Variants in DRC10 observed in about 807,000 individuals in gnomAD.
The protein encoded by DRC10 is IQ domain-containing protein D.
the DRC10 span, chr12:113,207,750 G>A: frequency 6.2e-7 from 1 of 1,614,140 alleles, no homozygotes; most frequent in Non-Finnish European, 8.5e-7. Context: ...GTGAGAGGCT[G>A]GATTTCTGCA....
chr12:113,218,784 T>C, the DRC10 span, among the ~76,000 whole-genome samples: 1 of 152,288 alleles, frequency 6.6e-6, no homozygotes, highest in South Asian at 2.1e-4. Context: ...TCATCCAGGT[T>C]GTAGCAATTA....
chr12:113,220,882 G>A, the DRC10 span: 15 of 269,364 alleles, frequency 5.6e-5, no homozygotes, highest in African/African-American at 3.3e-4. Context: ...GGGTCCTGAA[G>A]CTGAGACGAG....
At chr12:113,196,125 G>GT in the DRC10 span, among the ~76,000 whole-genome samples, 2 of 152,192 alleles carry the variant, frequency 1.3e-5, no homozygotes, top group Admixed American at 6.5e-5. Context: ...ACATGGGCTT[G>GT]TGAGTTGGGC....
the DRC10 span, among the ~76,000 whole-genome samples, chr12:113,197,940 G>A: frequency 6.6e-6 from 1 of 152,222 alleles, no homozygotes; most frequent in South Asian, 2.1e-4. Flanking sequence ...AAATCAGCCT[G>A]GCGTGGTGGC....
chr12:113,203,201 T>C, the DRC10 span: 2 of 326,374 alleles, frequency 6.1e-6, no homozygotes, highest in Middle Eastern at 2.4e-3. Context: ...AATTTTGTCT[T>C]TTACGTAGAG....
the DRC10 span, chr12:113,195,673 A>G: frequency 1.2e-6 from 2 of 1,613,284 alleles, no homozygotes; most frequent in Non-Finnish European, 1.7e-6. Flanking sequence ...CTGAGCAGGG[A>G]GCGCACCAGA....
At chr12:113,200,775 G>C in the DRC10 span, 4 of 1,534,860 alleles carry the variant, frequency 2.6e-6, no homozygotes, top group Non-Finnish European at 3.5e-6. Context: ...GGTGCAGGTG[G>C]TTTTTCAGTT....
the DRC10 span, among the ~76,000 whole-genome samples, chr12:113,211,135 G>A: frequency 6.6e-6 from 1 of 152,172 alleles, no homozygotes; most frequent in Non-Finnish European, 1.5e-5. Flanking sequence ...TCCAGGGAGT[G>A]CAGTGGCACG....
At chr12:113,207,322 TG>T in the DRC10 span, 1 of 883,308 alleles carries the variant, frequency 1.1e-6, no homozygotes, top group Non-Finnish European at 1.9e-6. Context: ...CACTCTAGTC[TG>T]GACAACAGAG....
the DRC10 span, among the ~76,000 whole-genome samples, chr12:113,196,702 T>C: frequency 6.6e-6 from 1 of 152,196 alleles, no homozygotes; most frequent in African/African-American, 2.4e-5. Context: ...TTACCTCCAG[T>C]GCTCTCCAGT....
chr12:113,200,550 T>G, the DRC10 span: 48 of 741,226 alleles, frequency 6.5e-5, no homozygotes, highest in Non-Finnish European at 9.2e-5. Flanking sequence ...AGGGGCCCCC[T>G]CGGCCCATCC....
the DRC10 span, among the ~76,000 whole-genome samples, chr12:113,214,187 C>G: frequency 6.6e-6 from 1 of 152,142 alleles, no homozygotes. Flanking sequence ...TCCCAACCAA[C>G]TACTATACAG....
At chr12:113,217,759 C>CG in the DRC10 span, among the ~76,000 whole-genome samples, 1 of 152,098 alleles carries the variant, frequency 6.6e-6, no homozygotes, top group Non-Finnish European at 1.5e-5. Context: ...CTTGAACTCC[C>CG]GGGCTCAAGT....
chr12:113,215,978 C>T, the DRC10 span, among the ~76,000 whole-genome samples: 4 of 152,172 alleles, frequency 2.6e-5, no homozygotes, highest in Admixed American at 1.3e-4. Flanking sequence ...TAAACCTGCT[C>T]TTACTGTACG....
the DRC10 span, chr12:113,200,905 G>C: frequency 1.0e-6 from 1 of 955,884 alleles, no homozygotes; most frequent in South Asian, 1.8e-5. Flanking sequence ...TAGGGAGGCT[G>C]AGGTGGGTGG....
chr12:113,209,472 G>A, the DRC10 span, among the ~76,000 whole-genome samples: 2 of 152,124 alleles, frequency 1.3e-5, no homozygotes, highest in African/African-American at 4.8e-5. Flanking sequence ...GCTCACTCCA[G>A]CCTCGACCTA....
At chr12:113,196,043 G>C in the DRC10 span, among the ~76,000 whole-genome samples, 1 of 152,182 alleles carries the variant, frequency 6.6e-6, no homozygotes, top group Non-Finnish European at 1.5e-5. Context: ...TGACATGGAT[G>C]GGGAGAGGGG....
chr12:113,204,345 T>C, the DRC10 span, among the ~76,000 whole-genome samples: 1 of 152,254 alleles, frequency 6.6e-6, no homozygotes, highest in South Asian at 2.1e-4. Context: ...TCCCTCTAGC[T>C]CACTGGCATT....
At chr12:113,211,196 C>G in the DRC10 span, among the ~76,000 whole-genome samples, 1 of 152,184 alleles carries the variant, frequency 6.6e-6, no homozygotes, top group East Asian at 1.9e-4. Flanking sequence ...GTCCTCCTGC[C>G]TCATGCTCCC....
Sources: gnomAD v4.1 joint callset for allele counts (sites outside exome capture counted in the v4.1 genomes callset) on GRCh38, gnomAD v4.1.1 for gene constraint, MANE v1.5 for transcripts, NCBI Gene and HGNC (gene_info 2026-07-23, HGNC 2026-07-21) for gene names.